Variants in GAB2 observed in about 807,000 individuals in gnomAD.
GAB2 encodes GRB2-associated-binding protein 2.
In GAB2, 26 loss-of-function variants were observed where a neutral mutation model predicts 65.5. That is an observed-to-expected ratio of 0.40 (90% CI 0.29 to 0.55). The LOEUF (loss-of-function observed/expected upper bound fraction) is 0.55. GAB2 is among the 20% of genes least tolerant of loss of function. The pLI is 0.53. For synonymous variants in GAB2, 321 were observed against 329.6 expected (o/e 0.97, Z 0.28); for missense variants, 884 against 875.8 (o/e 1.01, Z -0.12).
chr11:78,383,225 C>G (rs1199680328), intron 1 of GAB2, among the ~76,000 whole-genome samples: 1 of 151,904 alleles, frequency 6.6e-6, no homozygotes, highest in Non-Finnish European at 1.5e-5. Flanking sequence ...TGAGCTGAGA[C>G]CATGCCATTG....
intron 3 of GAB2, among the ~76,000 whole-genome samples, chr11:78,245,617 G>C (rs1256529182): frequency 6.6e-6 from 1 of 152,166 alleles, no homozygotes; most frequent in Non-Finnish European, 1.5e-5. Context: ...AAGAAAACCA[G>C]GTGAAAACCT....
chr11:78,231,420 C>G (rs945154108), intron 3 of GAB2, among the ~76,000 whole-genome samples: 1 of 151,756 alleles, frequency 6.6e-6, no homozygotes, highest in Admixed American at 6.6e-5. Context: ...GCAATCTTGG[C>G]TCACTGCAAC....
chr11:78,346,274 T>C (rs1856177380), intron 1 of GAB2, among the ~76,000 whole-genome samples: 1 of 152,120 alleles, frequency 6.6e-6, no homozygotes, highest in Non-Finnish European at 1.5e-5. Context: ...ATTCAAAACA[T>C]ACCCTTTATA....
At position 78,280,748 on chromosome 11, in the gene GAB2, T is replaced by C; in HGVS notation, c.229A>G (p.Lys77Glu). 6.2e-7 allele frequency: 1 copy of C among 1,614,154 alleles called. No individual in the cohort carries two copies. Among genetic ancestry groups the C allele is most frequent in the East Asian group, 2.2e-5 (1 of 44,876 alleles). The stretch of plus-strand genomic sequence containing the variant: ...ACAAAACTATCCTGCAGCTCCTTCT[T>C]GTTAAAGGTCAGGCCTGCATCTACC... ...EQVDAGLTFN[K>E]KELQDSFVFD... Residue 77 changes from lysine to glutamate, a missense_variant, in exon 2 of 10, where the codon AAG becomes GAG. Coordinates refer to ENST00000361507, the MANE Select transcript of GAB2 (RefSeq NM_080491.3).
chr11:78,331,484 A>G (rs1208048007), intron 1 of GAB2, among the ~76,000 whole-genome samples: 4 of 152,096 alleles, frequency 2.6e-5, no homozygotes, highest in Non-Finnish European at 4.4e-5. Context: ...TGACCTCCTG[A>G]TCTGCCTGCC....
At chr11:78,361,403 G>A (rs768638416) in intron 1 of GAB2, among the ~76,000 whole-genome samples, 4 of 151,430 alleles carry the variant, frequency 2.6e-5, no homozygotes, top group Non-Finnish European at 4.4e-5. Flanking sequence ...ATGGCAACAC[G>A]GACACACCCC....
At chr11:78,380,614 T>A (rs1305540441) in intron 1 of GAB2, among the ~76,000 whole-genome samples, 1 of 152,194 alleles carries the variant, frequency 6.6e-6, no homozygotes, top group Non-Finnish European at 1.5e-5. Context: ...CATTTTCCAC[T>A]CTTGTCTCCT....
chr11:78,416,399 GA>G (rs1210606063), intron 1 of GAB2, among the ~76,000 whole-genome samples: 1 of 152,212 alleles, frequency 6.6e-6, no homozygotes, highest in East Asian at 1.9e-4. Context: ...CCAGAGGCCA[GA>G]AGTCCCTTGA....
At chr11:78,339,786 T>C (rs1024075757) in intron 1 of GAB2, among the ~76,000 whole-genome samples, 1 of 152,182 alleles carries the variant, frequency 6.6e-6, no homozygotes. Context: ...TCACTCCTCA[T>C]AGATCACGGA....
chr11:78,234,699 T>G (rs1332696057), intron 3 of GAB2, among the ~76,000 whole-genome samples: 6 of 151,608 alleles, frequency 4.0e-5, no homozygotes, highest in Admixed American at 3.3e-4. Context: ...ATCTACAGGT[T>G]TTTGTCCTTT....
intron 3 of GAB2, among the ~76,000 whole-genome samples, chr11:78,244,838 G>C (rs1865251767): frequency 1.3e-5 from 2 of 152,116 alleles, no homozygotes; most frequent in African/African-American, 4.8e-5. Flanking sequence ...CTGTTGGTGG[G>C]AATGTAAATT....
In GAB2 at chr11:78,278,173, G is replaced by A. The variant is rs181992252; in HGVS notation, c.376+2428C>T. The stretch of plus-strand genomic sequence containing the variant: ...CAACCTCTGCCTCCCAGGTTCGAGC[G>A]ATTCTTCTGCCTCAGCCTCCCAAGT... On this transcript the variant is annotated intron_variant, in intron 2 of 9. Transcript: ENST00000361507. 7.9e-4 allele frequency among the ~76,000 whole-genome samples: 119 copies of A among 151,026 alleles called. No individual in the cohort carries two copies. The East Asian group carries it at 0.015, about 19-fold the overall frequency.
chr11:78,322,376 C>T (rs1013258788), intron 1 of GAB2, among the ~76,000 whole-genome samples: 1 of 147,066 alleles, frequency 6.8e-6, no homozygotes, highest in Non-Finnish European at 1.5e-5. Flanking sequence ...TAGAAAATAC[C>T]CTTCTAGACA....
At chr11:78,226,410 G>A in intron 4 of GAB2, 55 bp downstream of exon 4, 1 of 1,366,878 alleles carries the variant, frequency 7.3e-7, no homozygotes, top group Non-Finnish European at 1.0e-6. Flanking sequence ...AAACTATTGA[G>A]AACCCCTGTG....
intron 1 of GAB2, among the ~76,000 whole-genome samples, chr11:78,281,946 C>G (rs1267112416): frequency 6.6e-6 from 1 of 152,200 alleles, no homozygotes. Context: ...AACAAGTTTT[C>G]TAACTTTTTA....
At chr11:78,245,343 A>G (rs1865268082) in intron 3 of GAB2, among the ~76,000 whole-genome samples, 2 of 152,220 alleles carry the variant, frequency 1.3e-5, no homozygotes, top group African/African-American at 2.4e-5. Context: ...CATTCAGAGG[A>G]AGGAAAATAC....
At chr11:78,293,961 C>A (rs1866750063) in intron 1 of GAB2, among the ~76,000 whole-genome samples, 1 of 152,094 alleles carries the variant, frequency 6.6e-6, no homozygotes, top group Non-Finnish European at 1.5e-5. Context: ...TACATGTGCA[C>A]AACGTGCAGG....
chr11:78,370,005 C>G (rs1423707636), intron 1 of GAB2, among the ~76,000 whole-genome samples: 1 of 152,066 alleles, frequency 6.6e-6, no homozygotes, highest in South Asian at 2.1e-4. Flanking sequence ...CGCCTGTAAT[C>G]CCAGCACTTT....
At chr11:78,395,511 G>A (rs1449050208) in intron 1 of GAB2, among the ~76,000 whole-genome samples, 1 of 152,198 alleles carries the variant, frequency 6.6e-6, no homozygotes, top group African/African-American at 2.4e-5. Flanking sequence ...CACAAGCCTG[G>A]TTAGAGTAAC....
Sources: gnomAD v4.1 joint callset for allele counts (sites outside exome capture counted in the v4.1 genomes callset) on GRCh38, gnomAD v4.1.1 for gene constraint, MANE v1.5 for transcripts, NCBI Gene and HGNC (gene_info 2026-07-23, HGNC 2026-07-21) for gene names.